The following MTM1 variants were observed in gnomAD, a reference collection of about 807,000 sequenced individuals.
MTM1 encodes myotubularin 1.
In MTM1, 9 loss-of-function variants were observed where a neutral mutation model predicts 52.1. That is an observed-to-expected ratio of 0.17 (90% confidence interval 0.10 to 0.30). The LOEUF (loss-of-function observed/expected upper bound fraction) is 0.30, where lower values mean the gene tolerates loss of function less well. MTM1 is among the 10% of genes least tolerant of loss of function. The pLI, the probability that MTM1 is intolerant of heterozygous loss-of-function variation, is 1.00. For missense variants in MTM1, 277 were observed against 470.7 expected, an observed-to-expected ratio of 0.59 and a Z score of 3.81; for synonymous variants, 136 against 163.8, an observed-to-expected ratio of 0.83 and a Z score of 1.29.
intron 4 of MTM1, among the ~76,000 whole-genome samples, chrX:150,607,416 G>A (rs1053719767): frequency 1.8e-5 from 2 of 111,595 alleles, no homozygotes; most frequent in Non-Finnish European, 3.8e-5. Context: ...TTCCACTTCC[G>A]TACTATTGAC....
At chrX:150,569,025 C>T (rs1348029127) in intron 1 of MTM1, among the ~76,000 whole-genome samples, 1 of 113,495 alleles carries the variant, frequency 8.8e-6, no homozygotes, top group Non-Finnish European at 1.9e-5. Flanking sequence ...GTGAGTGGGC[C>T]GGGCGTCCGC....
At chrX:150,634,352 C>T (rs1327550795) in intron 6 of MTM1, among the ~76,000 whole-genome samples, 1 of 112,019 alleles carries the variant, frequency 8.9e-6, no homozygotes, top group Non-Finnish European at 1.9e-5. Flanking sequence ...ATCAGTGCAT[C>T]TTTATATAGG....
intron 4 of MTM1, among the ~76,000 whole-genome samples, chrX:150,607,315 C>T (rs1430928550): frequency 9.0e-6 from 1 of 111,137 alleles, no homozygotes; most frequent in Admixed American, 9.5e-5. Flanking sequence ...TTTGAAAACA[C>T]CTTCTTGTAT....
At chrX:150,626,158 G>T (rs1603169311) in intron 6 of MTM1, among the ~76,000 whole-genome samples, 1 of 112,339 alleles carries the variant, frequency 8.9e-6, no homozygotes, top group African/African-American at 3.2e-5. Context: ...TCTACCCCAT[G>T]TCCTCTCTTG....
intron 4 of MTM1, among the ~76,000 whole-genome samples, chrX:150,604,314 T>C (rs940448118): frequency 9.0e-6 from 1 of 111,710 alleles, no homozygotes; most frequent in African/African-American, 3.3e-5. Flanking sequence ...ACCCAGCCTT[T>C]TTCCATTGAC....
chrX:150,626,943 C>G (rs2039579754), intron 6 of MTM1, among the ~76,000 whole-genome samples: 1 of 111,306 alleles, frequency 9.0e-6, no homozygotes, highest in East Asian at 2.8e-4. Flanking sequence ...TCCTCTAAGA[C>G]TTGGTCCTCT....
At chrX:150,669,345 C>G (rs1448523871) in intron 14 of MTM1, among the ~76,000 whole-genome samples, 1 of 111,990 alleles carries the variant, frequency 8.9e-6, no homozygotes, top group African/African-American at 3.2e-5. Flanking sequence ...AACATGTGTG[C>G]ATGTGTCTTT....
intron 4 of MTM1, among the ~76,000 whole-genome samples, chrX:150,613,290 G>A (rs2039324178): frequency 3.6e-5 from 4 of 111,737 alleles, no homozygotes; most frequent in Admixed American, 9.5e-5. Flanking sequence ...ATTAAAAATG[G>A]TGTAGCCCTT....
chrX:150,619,742 G>A (rs992817873), intron 6 of MTM1, among the ~76,000 whole-genome samples: 3 of 111,272 alleles, frequency 2.7e-5, no homozygotes, highest in East Asian at 5.6e-4. Context: ...TTTTACTGCC[G>A]TGCCTTGCTT....
chrX:150,637,924 A>G (rs59124056), intron 6 of MTM1, among the ~76,000 whole-genome samples: 30,886 of 111,754 alleles, frequency 0.28, 3,793 homozygotes, highest in African/African-American at 0.49. Flanking sequence ...TACTCCTCGC[A>G]AAGTGGAAAG....
At chrX:150,657,282 A>G (rs1247362847) in intron 10 of MTM1, among the ~76,000 whole-genome samples, 1 of 111,630 alleles carries the variant, frequency 9.0e-6, no homozygotes, top group Non-Finnish European at 1.9e-5. Flanking sequence ...ACCATGGAAT[A>G]CTATGCAGCC....
chrX:150,568,158 T>G (rs2038288314), upstream of MTM1, among the ~76,000 whole-genome samples: 1 of 112,612 alleles, frequency 8.9e-6, no homozygotes, highest in African/African-American at 3.2e-5. Context: ...GCCAACCCTG[T>G]GTACCCAATA....
intron 1 of MTM1, among the ~76,000 whole-genome samples, chrX:150,574,884 A>T (rs2038442014): frequency 8.9e-6 from 1 of 112,069 alleles, no homozygotes; most frequent in African/African-American, 3.2e-5. Context: ...CAGGTCTCAT[A>T]TGAATCCTCA....
Position 150,661,287 on chromosome X carries a change from G to A in MTM1, c.1467+803G>A, listed in dbSNP as rs1255555998. Among the ~76,000 whole-genome samples, 10 of 111,608 alleles carry A rather than the reference G, an allele frequency of 9.0e-5. No individual in the cohort carries two copies. In the Admixed American group the frequency reaches 9.5e-4, roughly 11 times the overall value. On this transcript the variant is annotated intron_variant, in intron 13 of 14. Transcript: ENST00000370396. ...GATCCACCCGCCTCACCCTCCCAAA[G>A]TGCTGGGATTGCAGGTGTGAACCAC...
At chrX:150,619,734 T>C (rs1557413238) in intron 6 of MTM1, among the ~76,000 whole-genome samples, 9 of 111,876 alleles carry the variant, frequency 8.0e-5, no homozygotes. Flanking sequence ...GCCTCCTTTT[T>C]TACTGCCGTG....
intron 6 of MTM1, among the ~76,000 whole-genome samples, chrX:150,637,823 G>A (rs1478691911): frequency 3.6e-5 from 4 of 112,260 alleles, no homozygotes; most frequent in Non-Finnish European, 5.6e-5. Context: ...TGTGACTTAC[G>A]TGGAGCGAGT....
intron 4 of MTM1, among the ~76,000 whole-genome samples, chrX:150,612,889 C>T (rs1557413021): frequency 1.8e-5 from 2 of 110,628 alleles, no homozygotes; most frequent in East Asian, 5.7e-4. Context: ...GAGGCTGAGG[C>T]AGGAGAATTG....
At chrX:150,571,091 A>C (rs1227946686) in intron 1 of MTM1, among the ~76,000 whole-genome samples, 1 of 112,244 alleles carries the variant, frequency 8.9e-6, no homozygotes, top group African/African-American at 3.2e-5. Flanking sequence ...CTCCAAAATA[A>C]AGAGAAAAGT....
chrX:150,620,424 G>T (rs782746817), intron 6 of MTM1, among the ~76,000 whole-genome samples: 1 of 112,081 alleles, frequency 8.9e-6, no homozygotes, highest in Admixed American at 9.4e-5. Flanking sequence ...GAATATTCTA[G>T]CCTATCCTCG....
Sources: gnomAD v4.1 joint callset for allele counts (sites outside exome capture counted in the v4.1 genomes callset) on GRCh38, gnomAD v4.1.1 for gene constraint, MANE v1.5 for transcripts, NCBI Gene and HGNC (gene_info 2026-07-23, HGNC 2026-07-21) for gene names.